Variants in TENM2 observed in about 807,000 individuals in gnomAD.
The protein encoded by TENM2 is teneurin transmembrane protein 2.
Under a neutral mutation model 245.2 loss-of-function variants are expected in TENM2, and 52 were observed. The observed-to-expected ratio is 0.21, with a 90% confidence interval of 0.17 to 0.27. TENM2 has a LOEUF of 0.27. Ranked by LOEUF, TENM2 falls within the 10% of genes least tolerant of loss-of-function variation. The pLI is 1.00. For missense variants in TENM2, 3,046 were observed against 3,666.8 expected (o/e 0.83, Z 4.37); for synonymous variants, 1,363 against 1,438.9 (o/e 0.95, Z 1.19).
chr5:167,996,141 C>T (rs1241792921), intron 5 of TENM2, among the ~76,000 whole-genome samples: 2 of 152,154 alleles, frequency 1.3e-5, no homozygotes, highest in African/African-American at 4.8e-5. Flanking sequence ...CAGAAATGAG[C>T]AGTTTGGACA....
intron 2 of TENM2, among the ~76,000 whole-genome samples, chr5:167,379,315 TC>T (rs746937026): frequency 5.3e-5 from 8 of 152,150 alleles, no homozygotes; most frequent in Non-Finnish European, 8.8e-5. Flanking sequence ...TCGGCAGAGT[TC>T]CAACACACCC....
At chr5:167,698,009 A>G (rs574962962) in intron 2 of TENM2, among the ~76,000 whole-genome samples, 2 of 151,678 alleles carry the variant, frequency 1.3e-5, no homozygotes, top group African/African-American at 2.4e-5. Flanking sequence ...TTAGGGTTCA[A>G]ACAAGTGCTC....
intron 2 of TENM2, among the ~76,000 whole-genome samples, chr5:167,764,500 T>A (rs190924623): frequency 1.3e-4 from 20 of 152,320 alleles, no homozygotes; most frequent in Admixed American, 5.2e-4. Context: ...AGACCTCTAT[T>A]GAATATGATT....
chr5:167,505,103 A>G (rs540861551), intron 2 of TENM2, among the ~76,000 whole-genome samples: 17 of 152,186 alleles, frequency 1.1e-4, no homozygotes, highest in African/African-American at 4.1e-4. Flanking sequence ...TTCCATTAAC[A>G]TGGATGATTG....
At chr5:167,866,697 GA>G (rs775832383) in intron 2 of TENM2, among the ~76,000 whole-genome samples, 31 of 152,084 alleles carry the variant, frequency 2.0e-4, no homozygotes, top group Non-Finnish European at 7.4e-5. Context: ...TGGGAAAGTT[GA>G]GAGAAGGAAC....
the TENM2 span, among the ~76,000 whole-genome samples, chr5:167,274,234 T>C: frequency 1.3e-5 from 2 of 152,178 alleles, no homozygotes; most frequent in African/African-American, 4.8e-5. Flanking sequence ...CAGAATGTTA[T>C]GTAAGTGGAG....
At chr5:167,985,061 T>C (rs1783133888) in intron 4 of TENM2, among the ~76,000 whole-genome samples, 1 of 152,200 alleles carries the variant, frequency 6.6e-6, no homozygotes, top group South Asian at 2.1e-4. Flanking sequence ...ACAGTACCCT[T>C]TATGGGCTGC....
intron 1 of TENM2, chr5:167,303,050 CA>C: frequency 6.6e-6 from 1 of 152,638 alleles, no homozygotes; most frequent in Non-Finnish European, 1.5e-5. Flanking sequence ...AGGGTGGTGC[CA>C]AAATTGAAAG....
intron 2 of TENM2, among the ~76,000 whole-genome samples, chr5:167,635,871 C>G (rs1184112854): frequency 6.6e-6 from 1 of 151,844 alleles, no homozygotes; most frequent in Non-Finnish European, 1.5e-5. Flanking sequence ...GTCTCGATCT[C>G]CTGACCTCGT....
intron 7 of TENM2, among the ~76,000 whole-genome samples, chr5:168,072,089 A>G (rs1236076157): frequency 6.6e-6 from 1 of 152,182 alleles, no homozygotes; most frequent in Admixed American, 6.5e-5. Flanking sequence ...ATATATTTTC[A>G]CAGCCAGCCC....
chr5:167,087,526 A>T, the TENM2 span, among the ~76,000 whole-genome samples: 1 of 152,210 alleles, frequency 6.6e-6, no homozygotes, highest in African/African-American at 2.4e-5. Flanking sequence ...TCAGGGGCTA[A>T]GAGAGCAGGA....
the TENM2 span, among the ~76,000 whole-genome samples, chr5:167,186,072 T>C: frequency 2.6e-5 from 4 of 152,144 alleles, no homozygotes; most frequent in Non-Finnish European, 4.4e-5. Context: ...ATAAAAACAT[T>C]TAACAGAGTG....
At chr5:168,121,897 T>C (rs1443255328) in intron 10 of TENM2, among the ~76,000 whole-genome samples, 1 of 152,220 alleles carries the variant, frequency 6.6e-6, no homozygotes, top group East Asian at 1.9e-4. Flanking sequence ...ATTTCCTTTA[T>C]TGGAACAATA....
At chr5:167,956,771 C>A (rs1428190409) in intron 4 of TENM2, among the ~76,000 whole-genome samples, 1 of 152,162 alleles carries the variant, frequency 6.6e-6, no homozygotes, top group Non-Finnish European at 1.5e-5. Context: ...TGATTAATTA[C>A]ATTTATTGAT....
At chr5:167,777,595 T>G (rs995450139) in intron 2 of TENM2, among the ~76,000 whole-genome samples, 2 of 152,206 alleles carry the variant, frequency 1.3e-5, no homozygotes, top group African/African-American at 4.8e-5. Context: ...CTTGAAATTC[T>G]CTATAGTGTC....
the TENM2 span, among the ~76,000 whole-genome samples, chr5:167,147,115 T>C: frequency 6.6e-6 from 1 of 152,220 alleles, no homozygotes; most frequent in Non-Finnish European, 1.5e-5. Context: ...TACACAGAAT[T>C]ATTTTTGTCC....
chr5:167,360,653 C>T (rs1304160251), intron 1 of TENM2, among the ~76,000 whole-genome samples: 1 of 152,190 alleles, frequency 6.6e-6, no homozygotes, highest in African/African-American at 2.4e-5. Flanking sequence ...GTTTCTACTA[C>T]AATTATTACT....
At chr5:168,136,712 C>G (rs1755083714) in intron 12 of TENM2, among the ~76,000 whole-genome samples, 2 of 152,210 alleles carry the variant, frequency 1.3e-5, no homozygotes, top group South Asian at 4.1e-4. Flanking sequence ...CCTCACCTCT[C>G]CTCACCCTTA....
chr5:167,393,192 AAGAG>A (rs149193669), intron 2 of TENM2, among the ~76,000 whole-genome samples: 1 of 151,984 alleles, frequency 6.6e-6, no homozygotes, highest in South Asian at 2.1e-4. Context: ...ATAAAGAAAA[AAGAG>A]AGAAAATAGA....
Sources: gnomAD v4.1 joint callset for allele counts (sites outside exome capture counted in the v4.1 genomes callset) on GRCh38, gnomAD v4.1.1 for gene constraint, MANE v1.5 for transcripts, NCBI Gene and HGNC (gene_info 2026-07-23, HGNC 2026-07-21) for gene names.